MAF: variants seen among roughly 807,000 people sequenced by gnomAD.
MAF encodes MAF bZIP transcription factor.
MAF carries 10 observed loss-of-function variants against 22.0 expected under a neutral mutation model. The ratio of observed to expected loss-of-function variants is 0.45; its 90% CI spans 0.28 to 0.77. The LOEUF (loss-of-function observed/expected upper bound fraction) is 0.77, where lower values mean the gene tolerates loss of function less well. Ranked by LOEUF, MAF falls within the 30% of genes least tolerant of loss-of-function variation. The probability of loss-of-function intolerance (pLI) is 0.12; values close to 1 mark genes in which losing one functional copy is unlikely to be tolerated. For missense variants in MAF, 544 were observed against 548.4 expected (o/e 0.99, Z 0.08); for synonymous variants, 337 against 255.8 (o/e 1.32, Z -3.03).
chr16:79,553,852 G>A, the MAF span, among the ~76,000 whole-genome samples: 1 of 152,168 alleles, frequency 6.6e-6, no homozygotes, highest in African/African-American at 2.4e-5. Flanking sequence ...ACTTTGGGAG[G>A]CCGAGGCGGG....
the MAF span, among the ~76,000 whole-genome samples, chr16:79,230,419 A>G: frequency 2.3e-3 from 346 of 152,314 alleles, 3 homozygotes; most frequent in African/African-American, 8.0e-3. Flanking sequence ...ACCAGACCTC[A>G]GATAAACGAA....
chr16:79,387,981 G>A, the MAF span, among the ~76,000 whole-genome samples: 1 of 152,268 alleles, frequency 6.6e-6, no homozygotes, highest in Non-Finnish European at 1.5e-5. Context: ...AGTTCCTTGT[G>A]AATGGGCAAA....
downstream of MAF, among the ~76,000 whole-genome samples, chr16:79,583,186 C>G (rs186898980): frequency 6.6e-6 from 1 of 152,166 alleles, no homozygotes; most frequent in Non-Finnish European, 1.5e-5. Context: ...GAAGGACAGG[C>G]GTGCAAGATA....
the MAF span, among the ~76,000 whole-genome samples, chr16:79,353,992 TC>T: frequency 2.0e-5 from 3 of 151,910 alleles, no homozygotes; most frequent in African/African-American, 7.3e-5. Context: ...GCAGATCATT[TC>T]TTTTTCTTTT....
chr16:79,282,586 T>C, the MAF span, among the ~76,000 whole-genome samples: 1 of 152,192 alleles, frequency 6.6e-6, no homozygotes. Context: ...CCCCAAAGGC[T>C]ACGGTAACAG....
At chr16:79,592,195 T>C (rs574618658), downstream of MAF, among the ~76,000 whole-genome samples, 62 of 152,236 alleles carry the variant, frequency 4.1e-4, no homozygotes, top group African/African-American at 1.3e-3. Context: ...TGCAAAGCAA[T>C]TTGATTTGTT....
At chr16:79,354,846 C>G in the MAF span, among the ~76,000 whole-genome samples, 1 of 151,920 alleles carries the variant, frequency 6.6e-6, no homozygotes, top group African/African-American at 2.4e-5. Context: ...AACACACACA[C>G]AGAAAAAAAT....
the MAF span, among the ~76,000 whole-genome samples, chr16:79,505,384 C>T: frequency 6.6e-6 from 1 of 152,104 alleles, no homozygotes; most frequent in Admixed American, 6.6e-5. Flanking sequence ...TTTTGTGAGG[C>T]TGGTTTGTCC....
the MAF span, among the ~76,000 whole-genome samples, chr16:79,333,868 C>T: frequency 6.6e-6 from 1 of 152,152 alleles, no homozygotes; most frequent in African/African-American, 2.4e-5. Flanking sequence ...GATCCCAACA[C>T]CTCACCTGGA....
the MAF span, among the ~76,000 whole-genome samples, chr16:79,497,929 C>G: frequency 1.3e-5 from 2 of 152,216 alleles, no homozygotes; most frequent in African/African-American, 4.8e-5. Flanking sequence ...ATAACCTCTC[C>G]TCTGAGCTCT....
the MAF span, among the ~76,000 whole-genome samples, chr16:79,293,269 C>T: frequency 6.6e-6 from 1 of 152,114 alleles, no homozygotes; most frequent in Middle Eastern, 3.2e-3. Context: ...CCCAATAAGA[C>T]TCCAAACAAT....
the MAF span, among the ~76,000 whole-genome samples, chr16:79,469,863 G>C: frequency 6.6e-6 from 1 of 152,258 alleles, no homozygotes; most frequent in Non-Finnish European, 1.5e-5. Flanking sequence ...CCAAAGTGCT[G>C]AGATTACAGG....
At chr16:79,391,872 A>AAGGAGGAGGAGG in the MAF span, among the ~76,000 whole-genome samples, 14 of 136,984 alleles carry the variant, frequency 1.0e-4, 1 homozygote, top group African/African-American at 4.0e-4. Flanking sequence ...GGAGGAGGAG[A>AAGGAGGAGGAGG]AGGAGGAGGA....
chr16:79,528,071 G>A, the MAF span, among the ~76,000 whole-genome samples: 1 of 152,334 alleles, frequency 6.6e-6, no homozygotes, highest in East Asian at 1.9e-4. Context: ...GAACCTGGGA[G>A]GTGGAGGTTG....
the MAF span, among the ~76,000 whole-genome samples, chr16:79,253,286 T>G: frequency 6.6e-6 from 1 of 152,164 alleles, no homozygotes; most frequent in African/African-American, 2.4e-5. Context: ...GCCCCCAGCC[T>G]CCACCCCACC....
chr16:79,207,569 C>G, the MAF span, among the ~76,000 whole-genome samples: 1 of 152,238 alleles, frequency 6.6e-6, no homozygotes, highest in Non-Finnish European at 1.5e-5. Context: ...CATCTACTCT[C>G]TCACAATCAT....
chr16:79,203,207 C>G, the MAF span: 1 of 152,178 alleles, frequency 6.6e-6, no homozygotes, highest in Admixed American at 6.5e-5. Context: ...AAGCTATCAC[C>G]ATTAATTATG....
the MAF span, among the ~76,000 whole-genome samples, chr16:79,344,886 A>C: frequency 6.6e-6 from 1 of 152,216 alleles, no homozygotes; most frequent in African/African-American, 2.4e-5. Context: ...TAGAGAGGCA[A>C]ATCCTCATAA....
the MAF span, among the ~76,000 whole-genome samples, chr16:79,399,754 C>T: frequency 6.6e-6 from 1 of 152,114 alleles, no homozygotes; most frequent in Non-Finnish European, 1.5e-5. Flanking sequence ...TCTTACCTGG[C>T]TATCAGGTAG....
Sources: allele counts gnomAD v4.1 joint callset (sites outside exome capture counted in the v4.1 genomes callset), GRCh38; gene constraint gnomAD v4.1.1; transcripts MANE v1.5; gene names NCBI Gene and HGNC (gene_info 2026-07-23, HGNC 2026-07-21).